The following PRSS48 variants were observed in gnomAD, a reference collection of about 807,000 sequenced individuals.
The protein encoded by PRSS48 is serine protease 48, also known as epidermis-specific serine protease-like protein.
Under a neutral mutation model 25.6 loss-of-function variants are expected in PRSS48, and 21 were observed. The ratio of observed to expected loss-of-function variants is 0.82; its 90% CI spans 0.58 to 1.18. The LOEUF is 1.18. Ranked by LOEUF, PRSS48 falls within the 50% of genes most tolerant of loss-of-function variation. The pLI is 0.00. For missense variants in PRSS48, 373 were observed against 399.3 expected (o/e 0.93, Z 0.56); for synonymous variants, 150 against 149.3 (o/e 1.00, Z -0.04).
At chr4:151,288,190 T>C (rs1561434240) in intron 4 of PRSS48, among the ~76,000 whole-genome samples, 1 of 152,148 alleles carries the variant, frequency 6.6e-6, no homozygotes, top group Non-Finnish European at 1.5e-5. Flanking sequence ...TAAAATACTA[T>C]ATGCTTTTGC....
intron 1 of PRSS48, 34 bp from the exon 2 acceptor site, chr4:151,279,762 G>T: frequency 6.2e-7 from 1 of 1,607,966 alleles, no homozygotes; most frequent in South Asian, 1.1e-5. Flanking sequence ...AGGACTCCTA[G>T]GTTTCCACAT....
intron 4 of PRSS48, among the ~76,000 whole-genome samples, chr4:151,288,614 A>G (rs1210768848): frequency 6.6e-6 from 1 of 151,772 alleles, no homozygotes; most frequent in Non-Finnish European, 1.5e-5. Flanking sequence ...GGGCGTAGTG[A>G]GCTGAGATCT....
At position 151,283,231 on chromosome 4, in the gene PRSS48, T is replaced by C. The variant is rs765984559; in HGVS notation, c.596T>C (p.Ile199Thr). 1.6e-5 allele frequency: 26 copies of C among 1,613,820 alleles called. No homozygotes were observed. Among genetic ancestry groups the C allele is most frequent in the Admixed American group, 1.0e-4 (6 of 60,022 alleles). The change falls in exon 4 of 5, where the codon ATC becomes ACC. Residue 199 changes from isoleucine (I) to threonine (T), a missense_variant. Physicochemically the swap from Ile to Thr is moderately conservative, Grantham distance 89 (BLOSUM62 -1). Coordinates refer to ENST00000455694, the Ensembl canonical transcript of PRSS48. ...TTCTTGCCAGCACTGGAGCCAGTCA[T>C]CAAGGAAGACAAGATTTGTGCTGGT...
downstream of PRSS48, chr4:151,291,480 G>C (rs746571948): frequency 4.2e-6 from 6 of 1,437,248 alleles, no homozygotes; most frequent in Non-Finnish European, 5.7e-6. Context: ...TGCTAACCCT[G>C]GGTGACTTTA....
chr4:151,278,022 C>T (rs1201106494), intron 1 of PRSS48, among the ~76,000 whole-genome samples: 3 of 151,900 alleles, frequency 2.0e-5, no homozygotes, highest in Non-Finnish European at 4.4e-5. Flanking sequence ...GCCTTAGCGA[C>T]AGAGTAAGAC....
chr4:151,283,464 A>G (rs918485765), intron 4 of PRSS48, among the ~76,000 whole-genome samples, 178 bp downstream of exon 4: 1 of 151,466 alleles, frequency 6.6e-6, no homozygotes, highest in East Asian at 1.9e-4. Flanking sequence ...TTCTTCAACT[A>G]TAAGACTATT....
intron 4 of PRSS48, among the ~76,000 whole-genome samples, chr4:151,289,748 G>A (rs961888454): frequency 6.6e-6 from 1 of 152,070 alleles, no homozygotes; most frequent in African/African-American, 2.4e-5. Context: ...CCACTCCTAG[G>A]TATATGACCA....
At chr4:151,286,355 C>T (rs1311167004) in intron 4 of PRSS48, among the ~76,000 whole-genome samples, 3 of 148,790 alleles carry the variant, frequency 2.0e-5, no homozygotes, top group African/African-American at 7.4e-5. Context: ...TTTAGCTAAA[C>T]TGAGCAAGAA....
chr4:151,278,723 C>T (rs529409895), intron 1 of PRSS48, among the ~76,000 whole-genome samples: 49 of 152,120 alleles, frequency 3.2e-4, no homozygotes, highest in African/African-American at 1.0e-3. Flanking sequence ...CTCCACCTCC[C>T]GGGCTCAAGC....
At chr4:151,278,842 A>G (rs1010044037) in intron 1 of PRSS48, among the ~76,000 whole-genome samples, 3 of 152,188 alleles carry the variant, frequency 2.0e-5, no homozygotes, top group Non-Finnish European at 4.4e-5. Flanking sequence ...CATGTTGCCC[A>G]GGCTGGTTTT....
chr4:151,283,002 G>A, intron 3 of PRSS48, 115 bp from the exon 4 acceptor site: 2 of 788,648 alleles, frequency 2.5e-6, no homozygotes, highest in Non-Finnish European at 4.1e-6. Context: ...TGATTGGAAA[G>A]GCATTGTAAG....
chr4:151,290,248 G>C (rs1561435770), intron 4 of PRSS48, among the ~76,000 whole-genome samples: 2 of 152,168 alleles, frequency 1.3e-5, no homozygotes, highest in Non-Finnish European at 2.9e-5. Context: ...CTGGGCCATA[G>C]AAGCATTATT....
intron 1 of PRSS48, 70 bp downstream of exon 1, chr4:151,277,294 A>T: frequency 1.7e-6 from 2 of 1,209,562 alleles, no homozygotes; most frequent in South Asian, 2.0e-5. Context: ...CACATAGAAC[A>T]ATGTGACACT....
At chr4:151,285,539 C>T (rs1774662069) in intron 4 of PRSS48, among the ~76,000 whole-genome samples, 1 of 152,102 alleles carries the variant, frequency 6.6e-6, no homozygotes, top group Admixed American at 6.5e-5. Context: ...AACAACATAT[C>T]AAATCTTATG....
At chr4:151,291,050 C>A (rs930150912) in intron 4 of PRSS48, 68 bp from the exon 5 acceptor site, 2 of 1,237,344 alleles carry the variant, frequency 1.6e-6, no homozygotes, top group African/African-American at 1.5e-5. Flanking sequence ...GAATTCTCCA[C>A]CCCTTATTAC....
At chr4:151,281,694 T>C (rs1213673991) in intron 2 of PRSS48, among the ~76,000 whole-genome samples, 1 of 152,192 alleles carries the variant, frequency 6.6e-6, no homozygotes, top group African/African-American at 2.4e-5. Flanking sequence ...TTTATTTATT[T>C]ATTTTGTACA....
At chr4:151,280,501 C>T (rs1774109488) in intron 2 of PRSS48, among the ~76,000 whole-genome samples, 1 of 152,190 alleles carries the variant, frequency 6.6e-6, no homozygotes, top group South Asian at 2.1e-4. Flanking sequence ...TGATTCCTGA[C>T]CCATAAAAAC....
At chr4:151,283,997 T>C (rs1774500667) in intron 4 of PRSS48, among the ~76,000 whole-genome samples, 2 of 152,230 alleles carry the variant, frequency 1.3e-5, no homozygotes, top group African/African-American at 2.4e-5. Flanking sequence ...GCTTTCAGTA[T>C]TTTTTCTTTA....
chr4:151,288,544 C>T (rs1390504200), intron 4 of PRSS48, among the ~76,000 whole-genome samples: 2 of 151,948 alleles, frequency 1.3e-5, no homozygotes, highest in Non-Finnish European at 2.9e-5. Flanking sequence ...TTCAGGAGTT[C>T]GAGACCAGCC....
Sources: allele counts gnomAD v4.1 joint callset (sites outside exome capture counted in the v4.1 genomes callset), GRCh38; gene constraint gnomAD v4.1.1; transcripts MANE v1.5; gene names NCBI Gene and HGNC (gene_info 2026-07-23, HGNC 2026-07-21).